Variants in LAMA1 observed in about 807,000 individuals in gnomAD.
The protein encoded by LAMA1 is laminin subunit alpha 1.
A neutral mutation model predicts 348.7 loss-of-function variants in LAMA1; 219 were observed. The ratio of observed to expected loss-of-function variants is 0.63; its 90% CI spans 0.56 to 0.70. The LOEUF (loss-of-function observed/expected upper bound fraction) is 0.70. Among genes scored for constraint, LAMA1 ranks in the 30% least tolerant of loss-of-function variants. The pLI is 0.00. For synonymous variants in LAMA1, 1,487 were observed against 1,491.0 expected (o/e 1.00, Z 0.06); for missense variants, 3,744 against 3,888.0 (o/e 0.96, Z 0.99).
chr18:7,083,012 C>T (rs566762855), intron 1 of LAMA1, among the ~76,000 whole-genome samples: 2 of 152,126 alleles, frequency 1.3e-5, no homozygotes, highest in African/African-American at 4.8e-5. Flanking sequence ...CATGGAGGCA[C>T]CACACACTGT....
At chr18:6,973,999 T>G (rs2057670112) in intron 46 of LAMA1, among the ~76,000 whole-genome samples, 1 of 152,120 alleles carries the variant, frequency 6.6e-6, no homozygotes, top group African/African-American at 2.4e-5. Flanking sequence ...CAGGCTAACC[T>G]CAAACTCCTT....
At chr18:6,946,135 T>C (rs2057520265) in intron 61 of LAMA1, among the ~76,000 whole-genome samples, 1 of 151,370 alleles carries the variant, frequency 6.6e-6, no homozygotes, top group African/African-American at 2.4e-5. Flanking sequence ...TGTTCTACAT[T>C]AAAAAAAAAT....
At chr18:7,060,071 C>T (rs1265692256) in intron 3 of LAMA1, among the ~76,000 whole-genome samples, 1 of 152,124 alleles carries the variant, frequency 6.6e-6, no homozygotes, top group Non-Finnish European at 1.5e-5. Flanking sequence ...GTGTCAATCA[C>T]GAAAGCACTT....
At chr18:7,074,099 C>T (rs887864463) in intron 3 of LAMA1, among the ~76,000 whole-genome samples, 1 of 152,176 alleles carries the variant, frequency 6.6e-6, no homozygotes, top group African/African-American at 2.4e-5. Flanking sequence ...TCCCAAAGTG[C>T]TGGGATTACA....
intron 3 of LAMA1, chr18:7,076,844 T>C (rs565917691): frequency 1.3e-5 from 2 of 152,180 alleles, no homozygotes; most frequent in Non-Finnish European, 2.9e-5. Flanking sequence ...TGGCAAAATG[T>C]TGTGATGACT....
chr18:7,021,812 ATAATATATAT>A (rs1321776393), intron 19 of LAMA1, among the ~76,000 whole-genome samples: 3,659 of 115,230 alleles, frequency 0.032, 181 homozygotes, highest in African/African-American at 0.15. Context: ...ATTATATTAT[ATAATATATAT>A]TATATAATAT....
At position 7,040,262 on chromosome 18, in the gene LAMA1, C is replaced by T. The variant is rs755979469; in HGVS notation, c.1262-26G>A. 1.1e-5 allele frequency: 18 copies of T among 1,613,368 alleles called. No homozygotes were observed. In the Admixed American group the frequency reaches 1.8e-4, roughly 16 times the overall value. ...CTAGAAAGACAACAATGGCAATGACCCAACATGAAGGCAAAAGAGGTTTAA... is the reference window on the plus strand; with the variant it reads ...CTAGAAAGACAACAATGGCAATGACTCAACATGAAGGCAAAAGAGGTTTAA... On this transcript the variant is annotated intron_variant, in intron 9 of 62. Transcript: ENST00000389658.
chr18:6,985,894 G>C (rs12962184), intron 37 of LAMA1, among the ~76,000 whole-genome samples: 26,722 of 152,126 alleles, frequency 0.18, 2,917 homozygotes, highest in Non-Finnish European at 0.25. Flanking sequence ...GAGTAGCTGG[G>C]ACTACAGGCG....
intron 1 of LAMA1, among the ~76,000 whole-genome samples, chr18:7,086,033 T>C (rs1157727776): frequency 1.5e-4 from 23 of 152,212 alleles, no homozygotes. Flanking sequence ...TTCAGTAACA[T>C]ATCTATGATT....
intron 33 of LAMA1, 90 bp downstream of exon 33, chr18:6,997,652 G>A (rs534737648): frequency 1.4e-5 from 20 of 1,398,554 alleles, no homozygotes; most frequent in Non-Finnish European, 2.0e-5. Flanking sequence ...ACAATGTGGG[G>A]AGGACACATG....
rs534175856 is a variant in LAMA1, at chr18:7,074,321, G to A, written c.345+5654C>T. ...TTTCACTTCCCTATTGAATAATGAC[G>A]ATGAACATCTTTTCATCTCAACAGT... On this transcript the variant is annotated intron_variant, in intron 3 of 62. Coordinates refer to ENST00000389658, the MANE Select transcript of LAMA1 (RefSeq NM_005559.4). Among the ~76,000 whole-genome samples the A allele has an allele frequency of 9.9e-5, 15 of 152,236 alleles. No homozygotes were observed. The South Asian group carries it at 2.9e-3, about 29-fold the overall frequency.
intron 39 of LAMA1, 21 bp downstream of exon 39, chr18:6,985,216 C>A: frequency 6.2e-7 from 1 of 1,613,838 alleles, no homozygotes; most frequent in Non-Finnish European, 8.5e-7. Flanking sequence ...CTCTTGAGTT[C>A]CCACAAAGGC....
intron 3 of LAMA1, among the ~76,000 whole-genome samples, chr18:7,054,980 T>A (rs182965483): frequency 3.4e-4 from 52 of 152,272 alleles, no homozygotes; most frequent in Non-Finnish European, 6.2e-4. Context: ...ACTGTTTATG[T>A]TATCAGCAAG....
intron 3 of LAMA1, among the ~76,000 whole-genome samples, chr18:7,070,374 T>C (rs2058140899): frequency 2.0e-5 from 3 of 152,220 alleles, no homozygotes. Context: ...TCACTTGTAA[T>C]GAGACGCTCC....
intron 29 of LAMA1, among the ~76,000 whole-genome samples, chr18:7,004,636 G>A (rs2144102233): frequency 6.6e-6 from 1 of 152,314 alleles, no homozygotes; most frequent in South Asian, 2.1e-4. Flanking sequence ...ACAGGCGTGA[G>A]CCACTGCGCC....
At chr18:7,099,057 C>A (rs5755220) in intron 1 of LAMA1, among the ~76,000 whole-genome samples, 92,959 of 151,528 alleles carry the variant, frequency 0.61, 29,633 homozygotes, top group African/African-American at 0.79. Flanking sequence ...ATTGAGAAAT[C>A]GGATGGTTGC....
At chr18:7,057,741 A>G (rs564472642) in intron 3 of LAMA1, among the ~76,000 whole-genome samples, 4 of 149,998 alleles carry the variant, frequency 2.7e-5, no homozygotes, top group East Asian at 2.0e-4. Flanking sequence ...GGCCTCCCAA[A>G]CTGCCGTGAT....
intron 1 of LAMA1, among the ~76,000 whole-genome samples, chr18:7,116,014 G>A (rs1163138953): frequency 6.6e-6 from 1 of 152,094 alleles, no homozygotes; most frequent in African/African-American, 2.4e-5. Flanking sequence ...GTTAGGAAGG[G>A]TGAGGGTTGG....
intron 3 of LAMA1, among the ~76,000 whole-genome samples, chr18:7,078,052 G>C (rs991466570): frequency 3.1e-5 from 3 of 98,356 alleles, no homozygotes; most frequent in African/African-American, 1.3e-4. Flanking sequence ...TAATAAGAGT[G>C]AAACTCCGTC....
Sources: gnomAD v4.1 joint callset for allele counts (sites outside exome capture counted in the v4.1 genomes callset) on GRCh38, gnomAD v4.1.1 for gene constraint, MANE v1.5 for transcripts, NCBI Gene and HGNC (gene_info 2026-07-23, HGNC 2026-07-21) for gene names.